NFATC1: variants seen among roughly 807,000 people sequenced by gnomAD.
The protein encoded by NFATC1 is nuclear factor of activated T-cells, cytoplasmic 1.
Under a neutral mutation model 76.0 loss-of-function variants are expected in NFATC1, and 22 were observed. That is an observed-to-expected ratio of 0.29 (90% CI 0.21 to 0.41). The LOEUF (loss-of-function observed/expected upper bound fraction) is 0.41, where lower values mean the gene tolerates loss of function less well. NFATC1 is among the 10% of genes least tolerant of loss of function. The pLI is 1.00. For missense variants in NFATC1, 1,357 were observed against 1,337.7 expected (o/e 1.01, Z -0.23); for synonymous variants, 704 against 613.1 (o/e 1.15, Z -2.19).
In NFATC1 at chr18:79,396,292, G is replaced by C; in HGVS notation, c.68G>C (p.Arg23Thr). ...PLGPAAAVFG[R>T]GETLGPAPRA... ...GGCCCTGCGGCTGCGGTCTTCGGGA[G>C]AGGAGAAACTTTGGGGCCCGCGCCG... is the stretch of plus-strand genomic sequence containing the variant. The change falls in exon 1 of 10, where the codon AGA (arginine) becomes ACA (threonine). Residue 23 changes from arginine (R) to threonine (T), a missense_variant. Physicochemically the swap from Arg to Thr is moderately conservative, Grantham distance 71. Transcript: ENST00000427363. 1 of 1,452,620 alleles carries C rather than the reference G, an allele frequency of 6.9e-7. No individual in the cohort carries two copies. The highest frequency in any genetic ancestry group is 3.1e-5 in the East Asian group (1 of 32,680). 90.0% of individuals were successfully genotyped at this position (1,452,620 alleles called of 1,614,324 possible).
chr18:79,439,812 C>T (rs1046042582), intron 3 of NFATC1, among the ~76,000 whole-genome samples: 6 of 152,146 alleles, frequency 3.9e-5, no homozygotes, highest in South Asian at 2.1e-4. Flanking sequence ...CTGTTTTGAG[C>T]GATGGGGACA....
intron 9 of NFATC1, among the ~76,000 whole-genome samples, chr18:79,521,283 GTGTC>G (rs1364947443): frequency 1.7e-5 from 1 of 60,502 alleles, no homozygotes; most frequent in African/African-American, 7.0e-5. Context: ...GCTGATGTGT[GTGTC>G]TGTGTGTGTG....
At position 79,474,371 on chromosome 18, in the gene NFATC1, C is replaced by G. The variant is rs569376588; in HGVS notation, c.2092+6789C>G. On this transcript the variant is annotated intron_variant, in intron 8 of 9. Transcript: ENST00000427363. ...GTTGTAAACCTGAGGGAAGCGTGTTCTCACGCTCACCGTCGACGTAAACCT... is the reference window on the plus strand; with the variant it reads ...GTTGTAAACCTGAGGGAAGCGTGTTGTCACGCTCACCGTCGACGTAAACCT... 2.3e-3 allele frequency among the ~76,000 whole-genome samples: 346 copies of G among 147,670 alleles called. 7 individuals carry two copies. The highest frequency in any genetic ancestry group is 2.3e-3 in the Non-Finnish European group (152 of 67,126).
intron 2 of NFATC1, among the ~76,000 whole-genome samples, chr18:79,423,075 G>A (rs1600664166): frequency 4.6e-5 from 7 of 151,750 alleles, no homozygotes; most frequent in South Asian, 2.1e-4. Context: ...TGAGGCTCAC[G>A]AGATACAGGG....
intron 3 of NFATC1, among the ~76,000 whole-genome samples, chr18:79,441,440 G>A (rs2086972118): frequency 6.6e-6 from 1 of 152,194 alleles, no homozygotes; most frequent in African/African-American, 2.4e-5. Flanking sequence ...AGGCTTAGGG[G>A]CCATTCTGGA....
Position 79,461,063 on chromosome 18 carries a change from C to T in NFATC1, c.1904-248C>T, listed in dbSNP as rs191078359. Among the ~76,000 whole-genome samples, 231 of 152,364 alleles carry T rather than the reference C, an allele frequency of 1.5e-3. 9 individuals are homozygous for T. The highest frequency in any genetic ancestry group is 0.015 in the Admixed American group (226 of 15,312). ...TACGCCGGGCTGGGGTCAGAACAAG[C>T]CCTGAGCCGCGTGTCCTCAGCTTCT... On this transcript the variant is annotated intron_variant, in intron 6 of 9. Transcript: ENST00000427363.
chr18:79,415,162 A>G lies in NFATC1; in HGVS notation c.1226+3661A>G, dbSNP rs146206764. 1.7e-3 allele frequency among the ~76,000 whole-genome samples: 262 copies of G among 152,328 alleles called. 2 individuals are homozygous for G. The highest frequency in any genetic ancestry group is 6.0e-3 in the African/African-American group (248 of 41,562). On this transcript the variant is annotated intron_variant, in intron 2 of 9. Coordinates refer to ENST00000427363, the MANE Select transcript of NFATC1 (RefSeq NM_001278669.2). ...CGTGTCTCACTCTCCGCACCCAGAC[A>G]GTCTCTGGAGTTGCCTTTGTAGAGG...
chr18:79,502,725 C>G (rs959657549), intron 9 of NFATC1, among the ~76,000 whole-genome samples: 3 of 152,190 alleles, frequency 2.0e-5, no homozygotes, highest in African/African-American at 7.2e-5. Context: ...TGAAAAAATA[C>G]TCCACATCAC....
intron 8 of NFATC1, among the ~76,000 whole-genome samples, chr18:79,485,357 C>T (rs2089463186): frequency 6.6e-6 from 1 of 152,282 alleles, no homozygotes; most frequent in Non-Finnish European, 1.5e-5. Flanking sequence ...CTGATGTCTC[C>T]TCTAAGTAGC....
intron 2 of NFATC1, among the ~76,000 whole-genome samples, chr18:79,425,189 GTCTC>G (rs1363464322): frequency 1.3e-5 from 2 of 149,890 alleles, no homozygotes; most frequent in Non-Finnish European, 3.0e-5. Context: ...CTCTGTCTCT[GTCTC>G]TCTGTTTCTC....
At chr18:79,500,248 T>G (rs1467312761) in intron 9 of NFATC1, among the ~76,000 whole-genome samples, 1 of 152,156 alleles carries the variant, frequency 6.6e-6, no homozygotes, top group Admixed American at 6.5e-5. Context: ...CAACAGATAT[T>G]TCCACAAATA....
intron 3 of NFATC1, among the ~76,000 whole-genome samples, chr18:79,444,786 C>A: frequency 6.8e-6 from 1 of 148,088 alleles, no homozygotes; most frequent in African/African-American, 2.7e-5. Flanking sequence ...CACAGGCACC[C>A]CCGTGGCCAC....
intron 9 of NFATC1, among the ~76,000 whole-genome samples, chr18:79,500,278 A>C (rs1186712505): frequency 6.6e-6 from 1 of 152,184 alleles, no homozygotes; most frequent in African/African-American, 2.4e-5. Context: ...TAAACAACAC[A>C]TTTCTAAATA....
chr18:79,511,372 G>A (rs1299101156), intron 9 of NFATC1, among the ~76,000 whole-genome samples: 1 of 152,168 alleles, frequency 6.6e-6, no homozygotes, highest in Admixed American at 6.5e-5. Flanking sequence ...GGGTCATGGT[G>A]CGTTGTCTCC....
At chr18:79,507,870 C>T (rs940647242) in intron 9 of NFATC1, among the ~76,000 whole-genome samples, 4 of 152,232 alleles carry the variant, frequency 2.6e-5, no homozygotes, top group Admixed American at 6.5e-5. Context: ...GAAACACGTC[C>T]GTCACGTGGC....
At position 79,474,697 on chromosome 18, in the gene NFATC1, CGTT is replaced by C. The variant is rs764495493; in HGVS notation, c.2092+7118_2092+7120del. On this transcript the variant is annotated intron_variant, in intron 8 of 9. Transcript: ENST00000427363. Reference sequence around the variant, plus strand: ...AGCGTGTTCTCACACTCACTGTCGACGTTGTGAGGGAAGCGTGTTCTCACGCTC... The same window carrying C: ...AGCGTGTTCTCACACTCACTGTCGACGTGAGGGAAGCGTGTTCTCACGCTC... Among the ~76,000 whole-genome samples, 59 of 142,244 alleles carry C rather than the reference CGTT, an allele frequency of 4.1e-4. 1 individual carries two copies. Among genetic ancestry groups the C allele is most frequent in the African/African-American group, 7.2e-4 (27 of 37,684 alleles). The allele number at this position is 142,244 out of a possible 152,430, so 93.3% of individuals were successfully genotyped here. A position where few individuals can be genotyped will look rare whatever the true frequency, so the allele number is the denominator to read the frequency against.
intron 7 of NFATC1, among the ~76,000 whole-genome samples, chr18:79,464,701 TA>T (rs1263824646): frequency 0.098 from 10,460 of 106,976 alleles, 1,219 homozygotes; most frequent in African/African-American, 0.19. Flanking sequence ...TATATTTATT[TA>T]TTTATTTATT....
intron 9 of NFATC1, among the ~76,000 whole-genome samples, chr18:79,525,022 C>T (rs1157293533): frequency 8.0e-6 from 1 of 125,096 alleles, no homozygotes. Flanking sequence ...CATTACTACC[C>T]CTCAGGCCTC....
Position 79,524,620 on chromosome 18 carries a change from C to T in NFATC1, c.2783-2908C>T, listed in dbSNP as rs2090702322. 6.6e-6 allele frequency among the ~76,000 whole-genome samples: 1 copy of T among 152,154 alleles called. No homozygotes were observed. Among genetic ancestry groups the T allele is most frequent in the Non-Finnish European group, 1.5e-5 (1 of 68,010 alleles). ...AGTGAGGTGCAGGCTGCCGCTGGCT[C>T]CTTAGGCCTCGACAGCTCTCTTGAG... On this transcript the variant is annotated intron_variant, in intron 9 of 9. Transcript: ENST00000427363. This position sits in a 1 kb window ranked among gnomAD's most constrained non-coding sequence, Gnocchi z 7.2.
Sources: allele counts gnomAD v4.1 joint callset (sites outside exome capture counted in the v4.1 genomes callset), GRCh38; gene constraint gnomAD v4.1.1; non-coding constraint Gnocchi (gnomAD v3.1); transcripts MANE v1.5; gene names NCBI Gene and HGNC (gene_info 2026-07-23, HGNC 2026-07-21).